The following MED13L variants were observed in gnomAD, a reference collection of about 807,000 sequenced individuals.
MED13L encodes mediator of RNA polymerase II transcription subunit 13-like.
MED13L carries 7 observed loss-of-function variants against 220.9 expected under a neutral mutation model. That is an observed-to-expected ratio of 0.03 (90% CI 0.02 to 0.06). MED13L has a LOEUF of 0.06. MED13L is among the 10% of genes least tolerant of loss of function. The pLI is 1.00. For missense variants in MED13L, 1,965 were observed against 2,760.5 expected, an observed-to-expected ratio of 0.71 and a Z score of 6.46; for synonymous variants, 1,011 against 1,015.2, an observed-to-expected ratio of 1.00 and a Z score of 0.08.
In MED13L at chr12:115,984,049, A is replaced by T. The variant is rs928414338; in HGVS notation, c.4531+131T>A. ...TAGCATTAAACTGCCCAGAACACCA[A>T]ACTGGACCTTAACAAATACAGCATT... On this transcript the variant is annotated intron_variant, in intron 20 of 30. Coordinates refer to ENST00000281928, the MANE Select transcript of MED13L (RefSeq NM_015335.5). 8 of 1,088,156 alleles carry T rather than the reference A, an allele frequency of 7.4e-6. No individual in the cohort carries two copies. The Admixed American group carries it at 1.6e-4, about 22-fold the overall frequency. 67.4% of individuals were successfully genotyped at this position (1,088,156 alleles called of 1,614,324 possible).
chr12:116,153,865 A>G (rs952237621), intron 2 of MED13L, among the ~76,000 whole-genome samples: 1 of 152,120 alleles, frequency 6.6e-6, no homozygotes, highest in African/African-American at 2.4e-5. Context: ...ATGGCCTCAC[A>G]AGTTCTTCTC....
At chr12:115,975,066 T>C in intron 25 of MED13L, 105 bp downstream of exon 25, 1 of 1,197,036 alleles carries the variant, frequency 8.4e-7, no homozygotes, top group Non-Finnish European at 1.2e-6. Context: ...ATAGAATCTG[T>C]TTAATTCTTA....
rs565641182 is a variant in MED13L, at chr12:116,129,658, C to T, written c.311-18146G>A. 3.9e-5 allele frequency among the ~76,000 whole-genome samples: 6 copies of T among 152,294 alleles called. No individual in the cohort carries two copies. The East Asian group carries it at 1.2e-3, about 29-fold the overall frequency. On this transcript the variant is annotated intron_variant, in intron 2 of 30. Coordinates refer to ENST00000281928, the MANE Select transcript of MED13L (RefSeq NM_015335.5). The stretch of plus-strand genomic sequence containing the variant: ...GCACGGTGGCTCACGCCTGTAATCC[C>T]AGCACTCTGGGAGGCCAAGGTGGGC...
At chr12:116,200,586 C>G (rs372843980) in intron 2 of MED13L, among the ~76,000 whole-genome samples, 5 of 151,984 alleles carry the variant, frequency 3.3e-5, no homozygotes, top group Admixed American at 3.3e-4. Flanking sequence ...AGAATATGTA[C>G]GTAAACTGTC....
intron 2 of MED13L, among the ~76,000 whole-genome samples, chr12:116,236,549 A>T (rs1301004458): frequency 6.6e-6 from 1 of 152,162 alleles, no homozygotes; most frequent in African/African-American, 2.4e-5. Context: ...AAAACATTTC[A>T]AACACGATCT....
chr12:116,176,237 G>C (rs916953877), intron 2 of MED13L, among the ~76,000 whole-genome samples: 3 of 152,110 alleles, frequency 2.0e-5, no homozygotes, highest in Admixed American at 6.6e-5. Context: ...TTCACATGTA[G>C]AACAGGGATA....
intron 14 of MED13L, among the ~76,000 whole-genome samples, chr12:116,000,034 G>A (rs957593868): frequency 1.3e-5 from 2 of 152,186 alleles, no homozygotes; most frequent in Admixed American, 6.5e-5. Flanking sequence ...TTGAGATAAT[G>A]TATGCTCAGA....
chr12:116,164,538 T>G (rs1282250009), intron 2 of MED13L, among the ~76,000 whole-genome samples: 1 of 152,212 alleles, frequency 6.6e-6, no homozygotes, highest in African/African-American at 2.4e-5. Flanking sequence ...AACCAGACGC[T>G]TTAAACAGAT....
At position 115,972,252 on chromosome 12, in the gene MED13L, G is replaced by A. The variant is rs202226832; in HGVS notation, c.5732-16C>T. The stretch of plus-strand genomic sequence containing the variant: ...ATACTCCAATCTGAAATCAAATATC[G>A]CAGTCATACACAGTCTTTAGAAATT... On this transcript the variant is annotated splice_polypyrimidine_tract_variant and intron_variant, in intron 25 of 30. Transcript: ENST00000281928. 1.4e-5 allele frequency: 23 copies of A among 1,611,430 alleles called. No individual in the cohort carries two copies. Among genetic ancestry groups the A allele is most frequent in the Non-Finnish European group, 1.6e-5 (19 of 1,179,654 alleles).
intron 3 of MED13L, among the ~76,000 whole-genome samples, chr12:116,101,253 ATC>A (rs991025401): frequency 1.6e-4 from 24 of 152,352 alleles, no homozygotes; most frequent in African/African-American, 5.8e-4. Flanking sequence ...CAATAAAACT[ATC>A]AGTTCTTTGG....
intron 4 of MED13L, among the ~76,000 whole-genome samples, chr12:116,053,410 G>C (rs1868672847): frequency 6.6e-6 from 1 of 152,162 alleles, no homozygotes; most frequent in South Asian, 2.1e-4. Flanking sequence ...AGGCACTGTG[G>C]AGGAGTTAGG....
intron 4 of MED13L, among the ~76,000 whole-genome samples, chr12:116,031,709 A>AGGAAAAG (rs200153892): frequency 1.8e-5 from 1 of 57,086 alleles, no homozygotes. Context: ...AGAAAAGAAA[A>AGGAAAAG]GAAAAGAAAA....
At chr12:115,995,699 C>T (rs750744317) in intron 16 of MED13L, among the ~76,000 whole-genome samples, 6 of 152,276 alleles carry the variant, frequency 3.9e-5, no homozygotes, top group Admixed American at 2.0e-4. Context: ...GTTGGGATTA[C>T]GGTTTGAGCC....
chr12:116,011,517 T>TAC (rs1411251113), intron 9 of MED13L, among the ~76,000 whole-genome samples: 1 of 152,184 alleles, frequency 6.6e-6, no homozygotes, highest in Non-Finnish European at 1.5e-5. Flanking sequence ...AAAAGTTAAA[T>TAC]ACACTACAGT....
intron 4 of MED13L, among the ~76,000 whole-genome samples, chr12:116,049,480 T>C (rs925476514): frequency 2.7e-4 from 41 of 152,132 alleles, no homozygotes; most frequent in African/African-American, 9.4e-4. Flanking sequence ...TTTTTCCAGA[T>C]GAAGCACTTA....
intron 2 of MED13L, among the ~76,000 whole-genome samples, chr12:116,206,074 C>CTTTTTTTT (rs1160337465): frequency 8.0e-5 from 7 of 87,222 alleles, no homozygotes; most frequent in Admixed American, 2.8e-4. Flanking sequence ...GTATTATTAC[C>CTTTTTTTT]TTTTTTTTTT....
chr12:116,006,696 G>A (rs558046553), intron 11 of MED13L: 45 of 485,336 alleles, frequency 9.3e-5, no homozygotes, highest in Non-Finnish European at 1.5e-4. Flanking sequence ...ACCTGCCATG[G>A]TGTTAAAAGC....
At chr12:116,244,996 G>A (rs1018137276) in intron 1 of MED13L, among the ~76,000 whole-genome samples, 5 of 152,058 alleles carry the variant, frequency 3.3e-5, no homozygotes, top group African/African-American at 1.2e-4. Flanking sequence ...AAGGCACTCA[G>A]ATGCCCAGGT....
At chr12:116,216,767 T>G (rs940235598) in intron 2 of MED13L, among the ~76,000 whole-genome samples, 1 of 152,142 alleles carries the variant, frequency 6.6e-6, no homozygotes, top group Non-Finnish European at 1.5e-5. Context: ...GGGATTCAGC[T>G]CCTCAAGAGA....
Sources: gnomAD v4.1 joint callset for allele counts (sites outside exome capture counted in the v4.1 genomes callset) on GRCh38, gnomAD v4.1.1 for gene constraint, MANE v1.5 for transcripts, NCBI Gene and HGNC (gene_info 2026-07-23, HGNC 2026-07-21) for gene names.